The following TRPM1 variants were observed in gnomAD, a reference collection of about 807,000 sequenced individuals.
TRPM1 encodes the protein TRPM1-203 APA Isoform, Intron 10.
In TRPM1, 113 loss-of-function variants were observed where a neutral mutation model predicts 149.4. The ratio of observed to expected loss-of-function variants is 0.76; its 90% confidence interval spans 0.65 to 0.88. The LOEUF is 0.88. Ranked by LOEUF, TRPM1 falls within the 40% of genes least tolerant of loss-of-function variation. TRPM1 has a pLI of 0.00. For missense variants in TRPM1, 1,976 were observed against 2,038.7 expected (o/e 0.97, Z 0.59); for synonymous variants, 741 against 759.5 (o/e 0.98, Z 0.40).
At chr15:31,032,003 G>T (rs916467471) in intron 22 of TRPM1, among the ~76,000 whole-genome samples, 7 of 136,628 alleles carry the variant, frequency 5.1e-5, no homozygotes, top group African/African-American at 2.2e-4. Context: ...TAAATCAGGC[G>T]GGGTTTTTTT....
At position 31,084,839 on chromosome 15, in the gene TRPM1, A is replaced by AT. The variant is rs35744261; in HGVS notation, c.-83-3402dup. On this transcript the variant is annotated intron_variant, in intron 1 of 27. Coordinates refer to ENST00000256552, the MANE Select transcript of TRPM1 (RefSeq NM_001252024.2). ...AGGCGCCCGCCACCACGCCTGGCTA[A>AT]TTTTTTTTTTTTTTTTTTGGTATTT... Among the ~76,000 whole-genome samples the AT allele has an allele frequency of 2.7e-3, 364 of 136,884 alleles. 3 individuals are homozygous for AT. Among genetic ancestry groups the AT allele is most frequent in the Admixed American group, 4.5e-3 (62 of 13,772 alleles). 89.8% of individuals were successfully genotyped at this position (136,884 alleles called of 152,430 possible).
At chr15:31,137,809 C>A (rs1172794746) in intron 1 of TRPM1, among the ~76,000 whole-genome samples, 2 of 152,026 alleles carry the variant, frequency 1.3e-5, no homozygotes, top group Non-Finnish European at 2.9e-5. Context: ...AGAAAACCAC[C>A]CCAAACTCCA....
At chr15:31,022,589 G>A (rs895124409) in intron 27 of TRPM1, among the ~76,000 whole-genome samples, 1 of 152,224 alleles carries the variant, frequency 6.6e-6, no homozygotes, top group African/African-American at 2.4e-5. Context: ...TATCCTTCCT[G>A]TGGCACAATC....
intron 22 of TRPM1, among the ~76,000 whole-genome samples, chr15:31,032,305 GTAAT>G (rs1411787084): frequency 6.6e-6 from 1 of 151,918 alleles, no homozygotes; most frequent in Non-Finnish European, 1.5e-5. Context: ...AAAAACAAAC[GTAAT>G]TAGTCACCCT....
At chr15:31,049,282 G>C in intron 13 of TRPM1, 93 bp downstream of exon 13, 1 of 1,582,786 alleles carries the variant, frequency 6.3e-7, no homozygotes, top group Non-Finnish European at 8.6e-7. Context: ...GCTGAAGGAG[G>C]TCAGATGAGC....
In TRPM1 at chr15:31,037,770, T is replaced by C. The variant is rs2140923761; in HGVS notation, c.2512A>G (p.Ile838Val). ...NEHKKQRSIP[I>V]GTKICEFYNA... ...TAGAATTCACAGATCTTTGTTCCGA[T>C]GGGAATACTTCTCTGTTTTTTGTGC... The change falls in exon 20 of 28, where the codon ATC (isoleucine) becomes GTC (valine). Residue 838 changes from isoleucine (I) to valine (V), a missense_variant. Ile to Val is a conservative substitution (Grantham distance 29, BLOSUM62 3). Around this residue, in one of 3 missense-constraint regions of TRPM1, gnomAD observed 1,332 missense variants for 1,347.1 expected, o/e 0.99. Coordinates refer to ENST00000256552, the MANE Select transcript of TRPM1 (RefSeq NM_001252024.2). 1.2e-6 allele frequency: 2 copies of C among 1,614,248 alleles called. No individual in the cohort carries two copies. Among genetic ancestry groups the C allele is most frequent in the Non-Finnish European group, 1.7e-6 (2 of 1,180,046 alleles).
intron 2 of TRPM1, 123 bp from the exon 3 acceptor site, chr15:31,077,107 T>G: frequency 1.4e-6 from 1 of 708,690 alleles, no homozygotes; most frequent in Non-Finnish European, 2.5e-6. Flanking sequence ...TCTGCAATAA[T>G]GGTGGATGCA....
At chr15:31,067,303 A>T (rs2034405663) in intron 5 of TRPM1, 116 bp from the exon 6 acceptor site, 2 of 1,435,506 alleles carry the variant, frequency 1.4e-6, no homozygotes, top group South Asian at 2.3e-5. Flanking sequence ...CAGGGGTGAG[A>T]CACACTCATC....
chr15:31,161,151 G>A, exon 1 of TRPM1: 2 of 595,998 alleles, frequency 3.4e-6, no homozygotes, highest in African/African-American at 3.7e-5. Flanking sequence ...GGCTGGTTCA[G>A]CCTAGGAGGA....
chr15:31,116,527 A>T (rs2035799196), intron 1 of TRPM1, among the ~76,000 whole-genome samples: 1 of 152,050 alleles, frequency 6.6e-6, no homozygotes, highest in African/African-American at 2.4e-5. Flanking sequence ...ACTTGAACCC[A>T]GGAGGCAGAG....
At chr15:31,088,937 C>G (rs546717959) in intron 1 of TRPM1, among the ~76,000 whole-genome samples, 4 of 152,172 alleles carry the variant, frequency 2.6e-5, no homozygotes, top group Non-Finnish European at 5.9e-5. Flanking sequence ...TGCGTGGAAG[C>G]TGCTGGCGCC....
chr15:31,006,894 T>G (rs1029995766), intron 27 of TRPM1, among the ~76,000 whole-genome samples: 1 of 152,238 alleles, frequency 6.6e-6, no homozygotes, highest in African/African-American at 2.4e-5. Context: ...CATCTTTTTA[T>G]GTACATATTT....
At chr15:31,112,003 G>T (rs1199484612) in intron 1 of TRPM1, among the ~76,000 whole-genome samples, 1 of 152,084 alleles carries the variant, frequency 6.6e-6, no homozygotes, top group African/African-American at 2.4e-5. Flanking sequence ...CAAAGACTTC[G>T]CATTTTTATC....
Position 31,040,587 on chromosome 15 carries a change from A to G in TRPM1, c.2088-241T>C, listed in dbSNP as rs930912580. Among the ~76,000 whole-genome samples the G allele has an allele frequency of 2.6e-5, 4 of 152,244 alleles. No homozygotes were observed. Among genetic ancestry groups the G allele is most frequent in the African/African-American group, 9.6e-5 (4 of 41,474 alleles). ...CTGCTACTGCTGCAAATGGAGCTGT[A>G]GGTTGAGACCACATCTGCCCCTCAG... On this transcript the variant is annotated intron_variant, in intron 17 of 27. Coordinates refer to ENST00000256552, the MANE Select transcript of TRPM1 (RefSeq NM_001252024.2). This position sits in a 1 kb window ranked among gnomAD's most constrained non-coding sequence, Gnocchi z 4.2.
rs147259277 is a variant in TRPM1 at position 31,144,878 on chromosome 15, G to C, written c.54+16028C>G. Among the ~76,000 whole-genome samples the C allele has an allele frequency of 3.3e-5, 5 of 152,010 alleles. No individual in the cohort carries two copies. In the East Asian group the frequency reaches 9.7e-4, roughly 29 times the overall value. ...TTACAGGTGACTTCCACCACACCGG[G>C]CTAATTTTTGTATTTTTAGGAGAGA... On this transcript the variant is annotated intron_variant, in intron 1 of 26. Transcript: ENST00000542188.
chr15:31,146,251 C>T (rs1376694245), intron 1 of TRPM1, among the ~76,000 whole-genome samples: 1 of 152,200 alleles, frequency 6.6e-6, no homozygotes, highest in Non-Finnish European at 1.5e-5. Context: ...CATGAGGATA[C>T]CATAACCTGT....
chr15:31,046,367 A>G, intron 15 of TRPM1, 134 bp from the exon 16 acceptor site: 1 of 826,350 alleles, frequency 1.2e-6, no homozygotes, highest in Non-Finnish European at 2.0e-6. Flanking sequence ...ATTAATGATA[A>G]TATCCAAGGA....
At position 31,158,121 on chromosome 15, in the gene TRPM1, T is replaced by A. The variant is rs2036400507; in HGVS notation, c.54+2785A>T. The stretch of plus-strand genomic sequence containing the variant: ...TTGTCTTTCATTCTTCCACCAATAA[T>A]TTTACTTCTTAAGTGAGGGCTTTTA... On this transcript the variant is annotated intron_variant, in intron 1 of 26. Coordinates refer to the TRPM1 transcript ENST00000542188. Among the ~76,000 whole-genome samples, 2 of 152,142 alleles carry A rather than the reference T, an allele frequency of 1.3e-5. 1 individual carries two copies. The highest frequency in any genetic ancestry group is 4.1e-4 in the South Asian group (2 of 4,824).
At chr15:31,003,101 A>G (rs186440839) in intron 27 of TRPM1, 31 bp from the exon 28 acceptor site, 2 of 1,569,092 alleles carry the variant, frequency 1.3e-6, no homozygotes, top group Admixed American at 1.9e-5. Flanking sequence ...GATTTATTAA[A>G]CTGAGATTAA....
Sources: allele counts gnomAD v4.1 joint callset (sites outside exome capture counted in the v4.1 genomes callset), GRCh38; gene constraint gnomAD v4.1.1; regional missense constraint gnomAD v4.1.1; non-coding constraint Gnocchi (gnomAD v3.1); transcripts MANE v1.5; gene names NCBI Gene and HGNC (gene_info 2026-07-23, HGNC 2026-07-21).